Variants in HDAC9 observed in about 807,000 individuals in gnomAD.
HDAC9 encodes histone deacetylase 9, also known as MEF-2 interacting transcription repressor (MITR) protein.
In HDAC9, 41 loss-of-function variants were observed where a neutral mutation model predicts 139.4. The observed-to-expected ratio is 0.29, with a 90% CI of 0.23 to 0.38. The LOEUF is 0.38. HDAC9 is among the 10% of genes least tolerant of loss of function. The pLI is 1.00. For missense variants in HDAC9, 1,147 were observed against 1,297.0 expected, an observed-to-expected ratio of 0.88 and a Z score of 1.78; for synonymous variants, 517 against 476.2, an observed-to-expected ratio of 1.09 and a Z score of -1.12.
At chr7:18,178,259 A>G (rs899434445) in intron 2 of HDAC9, among the ~76,000 whole-genome samples, 1 of 152,104 alleles carries the variant, frequency 6.6e-6, no homozygotes, top group African/African-American at 2.4e-5. Flanking sequence ...ATTGTTTTGT[A>G]TTTTTAGTAG....
At chr7:18,230,784 C>G (rs936707597) in intron 2 of HDAC9, among the ~76,000 whole-genome samples, 2 of 152,068 alleles carry the variant, frequency 1.3e-5, no homozygotes, top group African/African-American at 4.8e-5. Context: ...ATTTTAAAAG[C>G]CTATCATCAA....
chr7:18,697,820 A>C (rs1783164856), intron 12 of HDAC9, among the ~76,000 whole-genome samples: 1 of 151,748 alleles, frequency 6.6e-6, no homozygotes, highest in Admixed American at 6.6e-5. Flanking sequence ...TGTTATGCTC[A>C]TGACTGCCAA....
intron 1 of HDAC9, among the ~76,000 whole-genome samples, chr7:18,395,995 A>G (rs1179024310): frequency 2.0e-5 from 3 of 151,984 alleles, no homozygotes; most frequent in African/African-American, 7.2e-5. Context: ...TTTTTATTCT[A>G]TTAGGAAGGA....
intron 23 of HDAC9, among the ~76,000 whole-genome samples, chr7:18,938,313 T>G (rs1315438768): frequency 1.3e-5 from 2 of 150,462 alleles, no homozygotes; most frequent in Admixed American, 6.7e-5. Flanking sequence ...AGTATCTCGC[T>G]GGCCGGGCGC....
At chr7:18,245,386 T>C (rs902554093) in intron 2 of HDAC9, among the ~76,000 whole-genome samples, 1 of 152,186 alleles carries the variant, frequency 6.6e-6, no homozygotes, top group Non-Finnish European at 1.5e-5. Context: ...CCCCAAGGGA[T>C]GGAGCCACTT....
At chr7:18,264,354 TA>T (rs913382690) in intron 2 of HDAC9, among the ~76,000 whole-genome samples, 32 of 151,780 alleles carry the variant, frequency 2.1e-4, no homozygotes, top group Admixed American at 1.1e-3. Context: ...AATTAGAAAT[TA>T]AAAAAAATAA....
intron 1 of HDAC9, among the ~76,000 whole-genome samples, chr7:18,304,925 A>G (rs1400841352): frequency 6.7e-6 from 1 of 149,294 alleles, no homozygotes; most frequent in African/African-American, 2.5e-5. Context: ...GCTGTCCCCA[A>G]CTAGTGAATC....
chr7:18,324,086 C>G (rs147329188), intron 1 of HDAC9, among the ~76,000 whole-genome samples: 384 of 152,150 alleles, frequency 2.5e-3, no homozygotes, highest in African/African-American at 8.9e-3. Context: ...TACAATCACA[C>G]TGGGGATGAA....
At chr7:18,738,460 GACA>G (rs1342279491) in intron 13 of HDAC9, among the ~76,000 whole-genome samples, 2 of 152,174 alleles carry the variant, frequency 1.3e-5, no homozygotes, top group African/African-American at 4.8e-5. Context: ...GCCTGGTATT[GACA>G]ACATTACTCA....
At chr7:18,307,097 TTGTGTGTG>T (rs56020648) in intron 1 of HDAC9, among the ~76,000 whole-genome samples, 19,418 of 134,748 alleles carry the variant, frequency 0.14, 1,432 homozygotes, top group East Asian at 0.25. Flanking sequence ...AGGGCAGTTC[TTGTGTGTG>T]TGTGTGTGTG....
At chr7:18,847,308 G>T (rs1384489831) in intron 21 of HDAC9, among the ~76,000 whole-genome samples, 3 of 152,062 alleles carry the variant, frequency 2.0e-5, no homozygotes, top group Non-Finnish European at 4.4e-5. Flanking sequence ...TTTTAAACAA[G>T]TGATTACTTT....
chr7:18,573,803 G>A (rs1406307945), intron 2 of HDAC9, among the ~76,000 whole-genome samples: 1 of 152,160 alleles, frequency 6.6e-6, no homozygotes, highest in Non-Finnish European at 1.5e-5. Context: ...GCACCCAGAA[G>A]CTTGGAGATG....
chr7:18,191,226 A>G (rs894168581), intron 2 of HDAC9, among the ~76,000 whole-genome samples: 1 of 152,212 alleles, frequency 6.6e-6, no homozygotes, highest in African/African-American at 2.4e-5. Flanking sequence ...GCTATACAAA[A>G]AAATTAAGAA....
chr7:18,246,714 A>G (rs1019189224), intron 2 of HDAC9, among the ~76,000 whole-genome samples: 3 of 152,084 alleles, frequency 2.0e-5, no homozygotes, highest in African/African-American at 7.2e-5. Context: ...TATGACTTTT[A>G]CTCTGAACAA....
intron 21 of HDAC9, among the ~76,000 whole-genome samples, chr7:18,856,813 G>T (rs148519772): frequency 6.6e-6 from 1 of 152,114 alleles, no homozygotes; most frequent in Non-Finnish European, 1.5e-5. Flanking sequence ...TTGGGTCTCT[G>T]TGATTTTCCC....
chr7:18,887,759 A>G (rs1800296178), intron 22 of HDAC9, among the ~76,000 whole-genome samples: 1 of 152,340 alleles, frequency 6.6e-6, no homozygotes, highest in African/African-American at 2.4e-5. Context: ...TTCTAAAAAC[A>G]TTTGAAATAT....
intron 2 of HDAC9, among the ~76,000 whole-genome samples, chr7:18,221,144 C>G (rs1450916624): frequency 2.7e-5 from 4 of 145,588 alleles, no homozygotes; most frequent in Non-Finnish European, 4.4e-5. Flanking sequence ...CTCTTTTTGC[C>G]CAGGCTGGAG....
chr7:18,681,442 T>C (rs1781883275), intron 12 of HDAC9, among the ~76,000 whole-genome samples: 1 of 147,444 alleles, frequency 6.8e-6, no homozygotes, highest in Non-Finnish European at 1.5e-5. Flanking sequence ...ATATTTGTTA[T>C]TATTATATTT....
chr7:18,589,419 A>G (rs1830338417), intron 3 of HDAC9, among the ~76,000 whole-genome samples: 1 of 152,142 alleles, frequency 6.6e-6, no homozygotes, highest in Admixed American at 6.5e-5. Flanking sequence ...CTGTAATCCT[A>G]GCAACTTAAG....
Sources: gnomAD v4.1 joint callset for allele counts (sites outside exome capture counted in the v4.1 genomes callset) on GRCh38, gnomAD v4.1.1 for gene constraint, MANE v1.5 for transcripts, NCBI Gene and HGNC (gene_info 2026-07-23, HGNC 2026-07-21) for gene names.